CDH13: variants seen among roughly 807,000 people sequenced by gnomAD.
The protein encoded by CDH13 is cadherin-13.
Under a neutral mutation model 63.8 loss-of-function variants are expected in CDH13, and 24 were observed. The observed-to-expected ratio is 0.38, with a 90% confidence interval of 0.27 to 0.53. The LOEUF (loss-of-function observed/expected upper bound fraction) is 0.53, where lower values mean the gene tolerates loss of function less well. Among genes scored for constraint, CDH13 ranks in the 20% least tolerant of loss-of-function variants. CDH13 has a pLI of 0.85. For synonymous variants in CDH13, 503 were observed against 355.3 expected (o/e 1.42, Z -4.67); for missense variants, 1,049 against 903.1 (o/e 1.16, Z -2.07).
rs375856329 is a variant in CDH13 at position 82,928,580 on chromosome 16, T to G, written c.157+70107T>G. 1.3e-4 allele frequency among the ~76,000 whole-genome samples: 20 copies of G among 152,370 alleles called. No homozygotes were observed. In the East Asian group the frequency reaches 2.3e-3, roughly 18 times the overall value. On this transcript the variant is annotated intron_variant, in intron 2 of 13. Coordinates refer to ENST00000567109, the MANE Select transcript of CDH13 (RefSeq NM_001257.5). ...ATTCTACTGTTGTTTTCATTTGCAT[T>G]TCTCTTAAGACCTTATCTGGAGAAT...
intron 1 of CDH13, among the ~76,000 whole-genome samples, chr16:82,695,238 G>A (rs1294122027): frequency 2.6e-5 from 4 of 152,300 alleles, no homozygotes; most frequent in East Asian, 1.9e-4. Context: ...GGGAGATACA[G>A]TATTTAGAGT....
intron 6 of CDH13, among the ~76,000 whole-genome samples, chr16:83,415,405 A>T (rs1363071170): frequency 2.6e-5 from 4 of 152,196 alleles, no homozygotes; most frequent in Non-Finnish European, 5.9e-5. Flanking sequence ...GACACTTCCA[A>T]ACTCATTTTA....
chr16:83,176,956 C>A (rs558197122), intron 4 of CDH13, among the ~76,000 whole-genome samples: 1 of 152,184 alleles, frequency 6.6e-6, no homozygotes, highest in Admixed American at 6.5e-5. Context: ...GGAATGGCAA[C>A]TAGAAAGTTT....
intron 6 of CDH13, among the ~76,000 whole-genome samples, chr16:83,480,284 C>G (rs767713851): frequency 6.6e-6 from 1 of 152,134 alleles, no homozygotes; most frequent in African/African-American, 2.4e-5. Flanking sequence ...CCACTGCGCT[C>G]CAACCTAGGT....
chr16:83,168,678 T>A (rs1488829421), intron 4 of CDH13, among the ~76,000 whole-genome samples: 2 of 152,172 alleles, frequency 1.3e-5, no homozygotes, highest in Admixed American at 6.5e-5. Flanking sequence ...CTTTTACTTC[T>A]ATTTTTTTCT....
At chr16:83,426,954 G>T (rs1453377483) in intron 6 of CDH13, among the ~76,000 whole-genome samples, 2 of 109,464 alleles carry the variant, frequency 1.8e-5, no homozygotes, top group Non-Finnish European at 3.4e-5. Context: ...ACGGAGTCTC[G>T]CTTGCTCTGT....
chr16:83,002,818 C>G (rs140507289), intron 2 of CDH13, among the ~76,000 whole-genome samples: 2 of 152,054 alleles, frequency 1.3e-5, no homozygotes, highest in African/African-American at 4.8e-5. Context: ...CTGCAAAGGC[C>G]GTGACACTGG....
intron 1 of CDH13, among the ~76,000 whole-genome samples, chr16:82,834,145 G>T (rs865933937): frequency 2.0e-5 from 3 of 152,118 alleles, no homozygotes; most frequent in Admixed American, 6.5e-5. Flanking sequence ...AACTCTTGAT[G>T]CACTAAAGGC....
chr16:83,000,494 C>A (rs984472692), intron 2 of CDH13, among the ~76,000 whole-genome samples: 2 of 150,586 alleles, frequency 1.3e-5, no homozygotes, highest in African/African-American at 4.9e-5. Flanking sequence ...GTGATCCACT[C>A]ACCTTGGGCT....
chr16:82,930,664 A>G (rs987241910), intron 2 of CDH13, among the ~76,000 whole-genome samples: 3 of 152,166 alleles, frequency 2.0e-5, no homozygotes, highest in African/African-American at 7.2e-5. Flanking sequence ...ACATATTAAG[A>G]TGTTCTTAGG....
chr16:83,314,358 A>C (rs2090061935), intron 5 of CDH13, among the ~76,000 whole-genome samples: 1 of 152,182 alleles, frequency 6.6e-6, no homozygotes, highest in African/African-American at 2.4e-5. Flanking sequence ...GAAATATAAA[A>C]ATAATTTGGT....
At chr16:83,052,879 T>C (rs181785884) in intron 3 of CDH13, among the ~76,000 whole-genome samples, 8 of 150,882 alleles carry the variant, frequency 5.3e-5, no homozygotes, top group Admixed American at 2.6e-4. Flanking sequence ...AGCTATTTTA[T>C]AAAGCGGTGA....
At chr16:82,651,948 A>C (rs1386933429) in intron 1 of CDH13, among the ~76,000 whole-genome samples, 1 of 152,230 alleles carries the variant, frequency 6.6e-6, no homozygotes, top group Non-Finnish European at 1.5e-5. Flanking sequence ...CTGAGAATTC[A>C]GGAAGGGCCA....
chr16:82,941,346 T>G (rs1474353897), intron 2 of CDH13, among the ~76,000 whole-genome samples: 1 of 152,200 alleles, frequency 6.6e-6, no homozygotes, highest in Admixed American at 6.5e-5. Context: ...AAAACCCTGT[T>G]CTGTGCCTTG....
At chr16:83,217,153 C>T (rs1369535817) in intron 4 of CDH13, among the ~76,000 whole-genome samples, 192 bp from the exon 5 acceptor site, 1 of 152,156 alleles carries the variant, frequency 6.6e-6, no homozygotes, top group African/African-American at 2.4e-5. Flanking sequence ...GCTGCAAAGA[C>T]GTGGATATTA....
intron 7 of CDH13, among the ~76,000 whole-genome samples, chr16:83,558,719 T>C (rs1011176235): frequency 6.6e-6 from 1 of 152,218 alleles, no homozygotes; most frequent in African/African-American, 2.4e-5. Flanking sequence ...TTCAACTTTG[T>C]TGGAATACCT....
chr16:83,535,976 A>AAAAGAAAAGG (rs2075178883), intron 7 of CDH13, among the ~76,000 whole-genome samples: 1 of 151,968 alleles, frequency 6.6e-6, no homozygotes, highest in African/African-American at 2.4e-5. Flanking sequence ...AAAAGAAAAG[A>AAAAGAAAAGG]AAGAAACCCA....
At chr16:83,393,468 C>T (rs1262392647) in intron 6 of CDH13, among the ~76,000 whole-genome samples, 2 of 152,142 alleles carry the variant, frequency 1.3e-5, no homozygotes, top group African/African-American at 4.8e-5. Context: ...CAATCTGCTG[C>T]CCGAGTCCAG....
At chr16:83,496,526 C>T (rs1378390610) in intron 7 of CDH13, among the ~76,000 whole-genome samples, 1 of 151,968 alleles carries the variant, frequency 6.6e-6, no homozygotes, top group East Asian at 1.9e-4. Context: ...GGATTAAAGA[C>T]TTAAACGTTA....
Sources: allele counts gnomAD v4.1 joint callset (sites outside exome capture counted in the v4.1 genomes callset), GRCh38; gene constraint gnomAD v4.1.1; transcripts MANE v1.5; gene names NCBI Gene and HGNC (gene_info 2026-07-23, HGNC 2026-07-21).